The following DDHD2 variants were observed in gnomAD, a reference collection of about 807,000 sequenced individuals.
DDHD2 encodes triacylglycerol hydrolase DDHD2.
In DDHD2, 62 loss-of-function variants were observed where a neutral mutation model predicts 91.2. The observed-to-expected ratio is 0.68, with a 90% CI of 0.55 to 0.84. The LOEUF (loss-of-function observed/expected upper bound fraction) is 0.84, where lower values mean the gene tolerates loss of function less well. DDHD2 is among the 40% of genes least tolerant of loss of function. The pLI, the probability that DDHD2 is intolerant of heterozygous loss-of-function variation, is 0.00. For synonymous variants in DDHD2, 271 were observed against 293.9 expected (o/e 0.92, Z 0.80); for missense variants, 740 against 846.9 (o/e 0.87, Z 1.57).
At chr8:38,249,629 C>G (rs1336405439) in intron 10 of DDHD2, 79 bp from the exon 11 acceptor site, 4 of 905,934 alleles carry the variant, frequency 4.4e-6, no homozygotes, top group Non-Finnish European at 6.7e-6. Context: ...AACAGAGTGC[C>G]TAGGCCTTGT....
At chr8:38,234,673 C>T in intron 3 of DDHD2, 89 bp downstream of exon 3, 1 of 1,175,936 alleles carries the variant, frequency 8.5e-7, no homozygotes, top group Non-Finnish European at 1.2e-6. Context: ...GTGAAATTTC[C>T]AGAAAGACTT....
At position 38,245,769 on chromosome 8, in the gene DDHD2, C is replaced by T. The variant is rs780244159; in HGVS notation, c.876C>T (p.Ser292=). 1.4e-5 allele frequency: 22 copies of T among 1,614,040 alleles called. No homozygotes were observed. Among genetic ancestry groups the T allele is most frequent in the South Asian group, 5.5e-5 (5 of 91,092 alleles). ...DVDLQRITLP[S]INRLRHFTND... ...ATCTGCAGCGAATAACCCTGCCCAG[C>T]ATTAACCGCCTCAGGCACTTCACCA... is the stretch of plus-strand genomic sequence containing the variant. Residue 292 remains serine, a synonymous_variant, in exon 8 of 18, where the codon AGC becomes AGT. Transcript: ENST00000397166.
intron 1 of DDHD2, chr8:38,271,072 T>A (rs905785421): frequency 6.6e-6 from 1 of 151,962 alleles, no homozygotes; most frequent in African/African-American, 2.4e-5. Context: ...AATGACAAAA[T>A]AAAGAATGTA....
rs1350880273 is a variant in DDHD2, at chr8:38,240,335, A to G, written c.683A>G (p.Asp228Gly). 11 of 1,610,932 alleles carry G rather than the reference A, an allele frequency of 6.8e-6. No homozygotes were observed. The highest frequency in any genetic ancestry group is 1.7e-4 in the Middle Eastern group (1 of 6,046). Reference protein sequence around the residue: ...FVVHGIGPACDLRFRSIVQCV... With the variant: ...FVVHGIGPACGLRFRSIVQCV... ...GTCCATGGGATTGGACCAGCTTGTGATCTCCGCTTTCGAAGCATTGTACAG... is the reference window on the plus strand; with the variant it reads ...GTCCATGGGATTGGACCAGCTTGTGGTCTCCGCTTTCGAAGCATTGTACAG... Residue 228 changes from aspartate (D) to glycine (G), a missense_variant, in exon 6 of 18, where the codon GAT becomes GGT. This residue lies in a region of DDHD2 where 693 missense variants were observed against 764.2 expected (regional missense o/e 0.91). Transcript: ENST00000397166.
intron 10 of DDHD2, among the ~76,000 whole-genome samples, chr8:38,248,142 G>A (rs1471410868): frequency 6.6e-6 from 1 of 152,100 alleles, no homozygotes; most frequent in African/African-American, 2.4e-5. Context: ...ATTTTCTGTT[G>A]TACTTTCAAG....
At chr8:38,254,206 A>G (rs1026297496) in intron 16 of DDHD2, among the ~76,000 whole-genome samples, 4 of 152,188 alleles carry the variant, frequency 2.6e-5, no homozygotes, top group African/African-American at 4.8e-5. Flanking sequence ...TGGGTAGAAC[A>G]TGGTTGAGGC....
At position 38,259,971 on chromosome 8, in the gene DDHD2, GATAAT is replaced by G. The variant is rs1295784791; in HGVS notation, c.2055-65_2055-61del. 4 of 988,992 alleles carry G rather than the reference GATAAT, an allele frequency of 4.0e-6. No individual in the cohort carries two copies. In the East Asian group the frequency reaches 7.2e-5, roughly 18 times the overall value. The allele number at this position is 988,992 out of a possible 1,614,324, so 61.3% of individuals were successfully genotyped here. A position where few individuals can be genotyped will look rare whatever the true frequency, so the allele number is the denominator to read the frequency against. ...CAAGATGGTTGTATGGATTAAATGA[GATAAT>G]ATATGTAAAACATTTGGCACAAGTG... On this transcript the variant is annotated intron_variant, in intron 16 of 17. Transcript: ENST00000397166.
intron 3 of DDHD2, among the ~76,000 whole-genome samples, chr8:38,236,020 T>A (rs1257925569): frequency 6.6e-6 from 1 of 152,214 alleles, no homozygotes; most frequent in Non-Finnish European, 1.5e-5. Context: ...TAGTATTTTT[T>A]GTTGTTGTTG....
chr8:38,236,414 G>T (rs929009904), intron 3 of DDHD2, among the ~76,000 whole-genome samples: 24 of 151,784 alleles, frequency 1.6e-4, no homozygotes, highest in African/African-American at 5.6e-4. Flanking sequence ...GAGTCCAGTG[G>T]TGCGATCTCG....
chr8:38,239,710 A>T lies in DDHD2; in HGVS notation c.623-565A>T, dbSNP rs556132480. ...ACAAACAAAAAAAAAACCATAATTT[A>T]AAAAAAAAAAAAAAAGAGTTTTTTT... On this transcript the variant is annotated intron_variant, in intron 5 of 17. Coordinates refer to ENST00000397166, the MANE Select transcript of DDHD2 (RefSeq NM_015214.3). 6.8e-3 allele frequency among the ~76,000 whole-genome samples: 848 copies of T among 125,354 alleles called. 8 individuals carry two copies. Among genetic ancestry groups the T allele is most frequent in the African/African-American group, 0.022 (762 of 34,322 alleles). 82.2% of individuals were successfully genotyped at this position (125,354 alleles called of 152,430 possible). A position where few individuals can be genotyped will look rare whatever the true frequency, so the allele number is the denominator to read the frequency against.
chr8:38,272,266 A>G (rs1232529394), downstream of DDHD2: 1 of 152,284 alleles, frequency 6.6e-6, no homozygotes, highest in African/African-American at 2.4e-5. Flanking sequence ...CAAATTTTAA[A>G]TGATTCCCCA....
chr8:38,258,731 A>G (rs1415062129), intron 16 of DDHD2, among the ~76,000 whole-genome samples: 3 of 152,202 alleles, frequency 2.0e-5, no homozygotes, highest in South Asian at 2.1e-4. Flanking sequence ...TGTGAATCCA[A>G]TGAAATACAC....
rs970900391 is a variant in DDHD2, at chr8:38,240,290, T to G, written c.638T>G (p.Ile213Arg). The change falls in exon 6 of 18, where the codon ATA (isoleucine) becomes AGA (arginine). Residue 213 changes from isoleucine (I) to arginine (R), a missense_variant. Coordinates refer to ENST00000397166, the MANE Select transcript of DDHD2 (RefSeq NM_015214.3). ...TCATTTATAGGAGAACCTTTACAAATAGATCACTTGGTTTTTGTAGTCCAT... is the reference window on the plus strand; with the variant it reads ...TCATTTATAGGAGAACCTTTACAAAGAGATCACTTGGTTTTTGTAGTCCAT... Reference protein sequence around the residue: ...VDIHCGEPLQIDHLVFVVHGI... With the variant: ...VDIHCGEPLQRDHLVFVVHGI... 3.1e-6 allele frequency: 5 copies of G among 1,606,316 alleles called. No homozygotes were observed. Among genetic ancestry groups the G allele is most frequent in the Non-Finnish European group, 4.3e-6 (5 of 1,173,948 alleles).
At chr8:38,269,207 C>G (rs1808311320) in intron 1 of DDHD2, 2 of 1,496,420 alleles carry the variant, frequency 1.3e-6, no homozygotes, top group Admixed American at 2.2e-5. Context: ...CATCCGGCCG[C>G]GAGCTCCGAG....
chr8:38,241,811 T>C (rs896256455), intron 6 of DDHD2, among the ~76,000 whole-genome samples: 1 of 149,678 alleles, frequency 6.7e-6, no homozygotes, highest in Non-Finnish European at 1.5e-5. Flanking sequence ...CCCAGCACTT[T>C]GGGGGGCCAA....
Position 38,253,712 on chromosome 8 carries a change from G to A in DDHD2, c.2048G>A (p.Cys683Tyr), listed in dbSNP as rs1311516500. 1 of 1,613,240 alleles carries A rather than the reference G, an allele frequency of 6.2e-7. No individual in the cohort carries two copies. Among genetic ancestry groups the A allele is most frequent in the Admixed American group, 1.7e-5 (1 of 59,842 alleles). ...TTATTTGCTTTACAAAGCCATCTAT[G>A]CTACTGGTAAATGTTGTTTATTTTT... ...EYLFALQSHL[C>Y]YWESEDTVLL... is the part of the protein sequence containing the mutation. The change falls in exon 16 of 18, where the codon TGC (cysteine) becomes TAC (tyrosine). Residue 683 changes from cysteine (C) to tyrosine (Y), a missense_variant. Cys to Tyr is a radical substitution (Grantham distance 194). Transcript: ENST00000397166.
In DDHD2 at chr8:38,242,142, ATG is replaced by A. The variant is rs1805312369; in HGVS notation, c.713-104_713-103del. The A allele has an allele frequency of 1.1e-5, 9 of 836,276 alleles. No homozygotes were observed. In the East Asian group the frequency reaches 2.4e-4, roughly 22 times the overall value. The allele number at this position is 836,276 out of a possible 1,614,324, so 51.8% of individuals were successfully genotyped here. A position where few individuals can be genotyped will look rare whatever the true frequency, so the allele number is the denominator to read the frequency against. ...CACTTTATTTTTGACGGAAGTCAGTATGTGTTCTGTGCAAATGTAGTTAGAGT... is the reference window on the plus strand; with the variant it reads ...CACTTTATTTTTGACGGAAGTCAGTATGTTCTGTGCAAATGTAGTTAGAGT... On this transcript the variant is annotated intron_variant, in intron 6 of 17. Coordinates refer to ENST00000397166, the MANE Select transcript of DDHD2 (RefSeq NM_015214.3).
intron 10 of DDHD2, among the ~76,000 whole-genome samples, chr8:38,248,643 C>A (rs1563308716): frequency 6.6e-6 from 1 of 151,880 alleles, no homozygotes; most frequent in African/African-American, 2.4e-5. Context: ...GGAAGGCTTC[C>A]CTAATCAAAT....
In DDHD2 at chr8:38,248,001, T is replaced by C. The variant is rs186325323; in HGVS notation, c.1248+166T>C. Among the ~76,000 whole-genome samples, 4 of 152,308 alleles carry C rather than the reference T, an allele frequency of 2.6e-5. No homozygotes were observed. The East Asian group carries it at 7.7e-4, about 29-fold the overall frequency. Reference sequence around the variant, plus strand: ...TTTATCATATCAAGTGACCTTTGCTTTGTGGAAGTTCAAAGGTCAGATGGC... The same window carrying C: ...TTTATCATATCAAGTGACCTTTGCTCTGTGGAAGTTCAAAGGTCAGATGGC... On this transcript the variant is annotated intron_variant, in intron 10 of 17. Coordinates refer to ENST00000397166, the MANE Select transcript of DDHD2 (RefSeq NM_015214.3).
Sources: allele counts gnomAD v4.1 joint callset (sites outside exome capture counted in the v4.1 genomes callset), GRCh38; gene constraint gnomAD v4.1.1; regional missense constraint gnomAD v4.1.1; transcripts MANE v1.5; gene names NCBI Gene and HGNC (gene_info 2026-07-23, HGNC 2026-07-21).